The following TENM2 variants were observed in gnomAD, a reference collection of about 807,000 sequenced individuals.
The protein encoded by TENM2 is teneurin transmembrane protein 2, also known as teneurin-2.
A neutral mutation model predicts 245.2 loss-of-function variants in TENM2; 52 were observed. The ratio of observed to expected loss-of-function variants is 0.21; its 90% CI spans 0.17 to 0.27. TENM2 has a LOEUF of 0.27. Among genes scored for constraint, TENM2 ranks in the 10% least tolerant of loss-of-function variants. TENM2 has a pLI of 1.00. For synonymous variants in TENM2, 1,363 were observed against 1,438.9 expected (o/e 0.95, Z 1.19); for missense variants, 3,046 against 3,666.8 (o/e 0.83, Z 4.37).
intron 24 of TENM2, among the ~76,000 whole-genome samples, chr5:168,226,889 C>T (rs903311906): frequency 1.3e-5 from 2 of 152,168 alleles, no homozygotes; most frequent in Non-Finnish European, 2.9e-5. Context: ...GATATAATGT[C>T]GGTGGGCTAG....
intron 4 of TENM2, among the ~76,000 whole-genome samples, chr5:167,982,152 G>A (rs1261826038): frequency 6.6e-6 from 1 of 152,046 alleles, no homozygotes; most frequent in African/African-American, 2.4e-5. Flanking sequence ...GGCTGCTCCT[G>A]CTGCCTGGGA....
intron 2 of TENM2, among the ~76,000 whole-genome samples, chr5:167,619,815 C>G (rs925144629): frequency 6.6e-6 from 1 of 152,066 alleles, no homozygotes; most frequent in African/African-American, 2.4e-5. Flanking sequence ...TCTGACTTTG[C>G]TACTTCTTTC....
chr5:167,971,356 A>G (rs1273355274), intron 4 of TENM2, among the ~76,000 whole-genome samples: 1 of 73,386 alleles, frequency 1.4e-5, no homozygotes, highest in Non-Finnish European at 2.4e-5. Flanking sequence ...TGACCACTAC[A>G]TTAGAAAATA....
intron 7 of TENM2, among the ~76,000 whole-genome samples, chr5:168,080,878 G>A (rs1187070143): frequency 6.6e-6 from 1 of 152,200 alleles, no homozygotes; most frequent in Non-Finnish European, 1.5e-5. Flanking sequence ...GAATAAGTGT[G>A]ATGTGATGCT....
chr5:167,518,798 C>T (rs2127579268), intron 2 of TENM2, among the ~76,000 whole-genome samples: 1 of 152,132 alleles, frequency 6.6e-6, no homozygotes, highest in South Asian at 2.1e-4. Flanking sequence ...CAAAAAGGCC[C>T]AAGTGTTGAA....
chr5:168,202,220 A>T (rs1395254864), intron 17 of TENM2, among the ~76,000 whole-genome samples: 1 of 152,198 alleles, frequency 6.6e-6, no homozygotes, highest in South Asian at 2.1e-4. Context: ...CTACTTGGTT[A>T]TTTAAAGTAC....
At chr5:167,586,319 CTG>C (rs558806000) in intron 2 of TENM2, among the ~76,000 whole-genome samples, 95 of 152,306 alleles carry the variant, frequency 6.2e-4, no homozygotes, top group African/African-American at 2.2e-3. Context: ...ACTTGAGCAT[CTG>C]TGGATTTTGG....
intron 2 of TENM2, among the ~76,000 whole-genome samples, chr5:167,437,825 C>A (rs931359799): frequency 6.6e-6 from 1 of 152,150 alleles, no homozygotes; most frequent in South Asian, 2.1e-4. Context: ...GTAAGACATG[C>A]CTTTCACCTT....
intron 12 of TENM2, among the ~76,000 whole-genome samples, chr5:168,150,858 G>A (rs929699628): frequency 6.6e-6 from 1 of 152,034 alleles, no homozygotes; most frequent in African/African-American, 2.4e-5. Flanking sequence ...TATGACCCTG[G>A]GAAAGTTAAT....
intron 2 of TENM2, among the ~76,000 whole-genome samples, chr5:167,509,135 C>T (rs915552186): frequency 1.3e-5 from 2 of 152,094 alleles, no homozygotes; most frequent in South Asian, 2.1e-4. Context: ...AATATTTTAG[C>T]GTGTGCTATT....
chr5:167,987,275 G>C (rs973295615), intron 4 of TENM2, among the ~76,000 whole-genome samples: 6 of 151,632 alleles, frequency 4.0e-5, no homozygotes, highest in African/African-American at 1.5e-4. Context: ...AGTGATTCAG[G>C]TAGAATTTCT....
chr5:167,277,485 T>C, the TENM2 span, among the ~76,000 whole-genome samples: 2 of 152,260 alleles, frequency 1.3e-5, no homozygotes, highest in African/African-American at 4.8e-5. Flanking sequence ...TCTGTATGAT[T>C]TCAATTCTTT....
the TENM2 span, among the ~76,000 whole-genome samples, chr5:167,040,175 T>A: frequency 6.6e-6 from 1 of 152,088 alleles, no homozygotes; most frequent in Non-Finnish European, 1.5e-5. Flanking sequence ...ATTTCTGTGC[T>A]CTGCTTTACA....
chr5:167,062,410 G>T, the TENM2 span, among the ~76,000 whole-genome samples: 3 of 151,372 alleles, frequency 2.0e-5, no homozygotes, highest in Admixed American at 2.0e-4. Flanking sequence ...ATAAAATCTA[G>T]ATAGCAGACA....
intron 2 of TENM2, among the ~76,000 whole-genome samples, chr5:167,497,512 C>T (rs1768896220): frequency 6.6e-6 from 1 of 152,054 alleles, no homozygotes; most frequent in African/African-American, 2.4e-5. Flanking sequence ...GATTGAAGAT[C>T]TGCTTTTGAA....
At chr5:167,749,977 T>C (rs1761851006) in intron 2 of TENM2, among the ~76,000 whole-genome samples, 1 of 152,146 alleles carries the variant, frequency 6.6e-6, no homozygotes, top group South Asian at 2.1e-4. Flanking sequence ...TTCACCATCA[T>C]CATCTCCCTT....
chr5:167,129,661 A>G, the TENM2 span, among the ~76,000 whole-genome samples: 1 of 152,158 alleles, frequency 6.6e-6, no homozygotes, highest in Non-Finnish European at 1.5e-5. Flanking sequence ...AAATGAGGTG[A>G]TGCATGGGAA....
rs183287735 is a variant in TENM2, at chr5:167,935,931, T to C, written c.713-16657T>C. The stretch of plus-strand genomic sequence containing the variant: ...TTCCCCAGCTCATGTTCTGTATCTC[T>C]ACCCAATATGTTGCCGAGCTGTGAG... On this transcript the variant is annotated intron_variant, in intron 3 of 28. Transcript: ENST00000518659. 2.6e-5 allele frequency among the ~76,000 whole-genome samples: 4 copies of C among 152,300 alleles called. No individual in the cohort carries two copies. The East Asian group carries it at 5.8e-4, about 22-fold the overall frequency.
chr5:167,345,820 C>A (rs901167845), intron 1 of TENM2, among the ~76,000 whole-genome samples: 5 of 149,090 alleles, frequency 3.4e-5, no homozygotes, highest in African/African-American at 1.2e-4. Flanking sequence ...TTTGAGAGGA[C>A]ACTTTTTTTT....
Sources: gnomAD v4.1 joint callset for allele counts (sites outside exome capture counted in the v4.1 genomes callset) on GRCh38, gnomAD v4.1.1 for gene constraint, MANE v1.5 for transcripts, NCBI Gene and HGNC (gene_info 2026-07-23, HGNC 2026-07-21) for gene names.